Variants in DAB2IP observed in about 807,000 individuals in gnomAD.
The protein encoded by DAB2IP is disabled homolog 2-interacting protein.
DAB2IP carries 28 observed loss-of-function variants against 107.2 expected under a neutral mutation model. The observed-to-expected ratio is 0.26, with a 90% CI of 0.19 to 0.36. DAB2IP has a LOEUF of 0.36. Ranked by LOEUF, DAB2IP falls within the 10% of genes least tolerant of loss-of-function variation. DAB2IP has a pLI of 1.00. For synonymous variants in DAB2IP, 755 were observed against 706.4 expected (o/e 1.07, Z -1.09); for missense variants, 1,400 against 1,644.7 (o/e 0.85, Z 2.57).
At chr9:121,783,133 A>AC (rs796490919) in exon 16 of DAB2IP, 11 of 354,114 alleles carry the variant, frequency 3.1e-5, no homozygotes, top group African/African-American at 3.1e-4. Flanking sequence ...CTACCCACCC[A>AC]CCCCCTCTGA....
intron 3 of DAB2IP, among the ~76,000 whole-genome samples, chr9:121,703,132 A>T (rs937391254): frequency 6.6e-6 from 1 of 152,190 alleles, no homozygotes; most frequent in Non-Finnish European, 1.5e-5. Context: ...AAGGAGATAC[A>T]GTACTTGGAT....
intron 1 of DAB2IP, chr9:121,576,055 C>G (rs988381621): frequency 6.6e-6 from 1 of 152,554 alleles, no homozygotes; most frequent in African/African-American, 2.4e-5. Flanking sequence ...CTCCAGCCCC[C>G]ACTTCAGGCC....
At chr9:121,768,397 G>A (rs970320542) in intron 9 of DAB2IP, 35 bp from the exon 10 acceptor site, 1 of 1,612,438 alleles carries the variant, frequency 6.2e-7, no homozygotes, top group Admixed American at 1.7e-5. Flanking sequence ...GCCTGCCTGG[G>A]CCCAGTAGTG....
In DAB2IP at chr9:121,760,276, C is replaced by T; in HGVS notation, c.1007C>T (p.Thr336Ile). 1 of 1,613,928 alleles carries T rather than the reference C, an allele frequency of 6.2e-7. No individual in the cohort carries two copies. The highest frequency in any genetic ancestry group is 8.5e-7 in the Non-Finnish European group (1 of 1,180,032). ...ATCCGCATCAAGGCGCGCTACCAAA[C>T]CATCACCATCCTGCCCATGGAGATG... is the stretch of plus-strand genomic sequence containing the variant. Residue 336 changes from threonine to isoleucine, a missense_variant, in exon 6 of 16, where the codon ACC becomes ATC. Thr to Ile is a moderately conservative substitution (Grantham distance 89). Coordinates refer to ENST00000408936, the Ensembl canonical transcript of DAB2IP. The surrounding 1 kb of genome is among the most constrained non-coding windows in gnomAD (Gnocchi z 5.9).
At chr9:121,785,217 G>A (rs57455029) in exon 16 of DAB2IP, 18,536 of 152,668 alleles carry the variant, frequency 0.12, 2,300 homozygotes, top group African/African-American at 0.32. Context: ...ATCTGCCCCA[G>A]GTACACCTCC....
At chr9:121,679,146 A>G (rs1260492946) in intron 2 of DAB2IP, among the ~76,000 whole-genome samples, 1 of 152,020 alleles carries the variant, frequency 6.6e-6, no homozygotes, top group Non-Finnish European at 1.5e-5. Context: ...GAAAAGATGC[A>G]CTATTTTTGT....
chr9:121,709,566 TGG>T (rs2118772299), intron 3 of DAB2IP, among the ~76,000 whole-genome samples: 1 of 152,322 alleles, frequency 6.6e-6, no homozygotes, highest in South Asian at 2.1e-4. Context: ...AGCTCATAAG[TGG>T]CAGAGCTGGG....
chr9:121,586,958 G>C (rs12003584), intron 1 of DAB2IP, among the ~76,000 whole-genome samples: 6,098 of 152,286 alleles, frequency 0.04, 412 homozygotes, highest in African/African-American at 0.14. Context: ...GAGTCAATTT[G>C]ATTCAGCAAA....
chr9:121,705,099 G>C (rs1829991037), intron 3 of DAB2IP, among the ~76,000 whole-genome samples: 1 of 152,222 alleles, frequency 6.6e-6, no homozygotes, highest in African/African-American at 2.4e-5. Context: ...CTCTCCTTTA[G>C]ATCTGGAGCT....
Position 121,746,465 on chromosome 9 carries a change from G to A in DAB2IP, c.363-10548G>A, listed in dbSNP as rs1029810086. ...TTCAACCAGCATAGTGCCAGGAGCT[G>A]GGGCTCTGCGGACAAATGGCTGGTC... is the stretch of plus-strand genomic sequence containing the variant. On this transcript the variant is annotated intron_variant, in intron 3 of 15. Transcript: ENST00000408936. Among the ~76,000 whole-genome samples the A allele has an allele frequency of 1.1e-4, 16 of 152,312 alleles. 1 individual carries two copies. The highest frequency in any genetic ancestry group is 8.5e-4 in the Admixed American group (13 of 15,310).
chr9:121,737,512 G>T (rs1044126780), intron 3 of DAB2IP: 2 of 985,324 alleles, frequency 2.0e-6, no homozygotes, highest in Non-Finnish European at 2.4e-6. Flanking sequence ...CAGAAGAGCT[G>T]CCTGGGTGAG....
At chr9:121,780,407 G>A (rs910014836) in intron 14 of DAB2IP, among the ~76,000 whole-genome samples, 7 of 152,068 alleles carry the variant, frequency 4.6e-5, no homozygotes, top group Non-Finnish European at 1.0e-4. Flanking sequence ...TTACAGTCCC[G>A]TGCAGAACCG....
chr9:121,691,507 G>A (rs561885127), intron 2 of DAB2IP, among the ~76,000 whole-genome samples: 7 of 147,200 alleles, frequency 4.8e-5, no homozygotes, highest in Non-Finnish European at 3.0e-5. Flanking sequence ...AGGACAGTGA[G>A]AGACTCCATG....
At chr9:121,773,241 G>T in exon 12 of DAB2IP, 3 of 1,551,902 alleles carry the variant, frequency 1.9e-6, no homozygotes, top group Non-Finnish European at 2.6e-6. Flanking sequence ...GCAGCCCACG[G>T]TGCCACGGCA....
At chr9:121,762,513 C>T (rs1005548395) in intron 6 of DAB2IP, among the ~76,000 whole-genome samples, 1 of 152,202 alleles carries the variant, frequency 6.6e-6, no homozygotes, top group African/African-American at 2.4e-5. Flanking sequence ...CCTGCTGTCC[C>T]TCTGTGCCTC....
In DAB2IP at chr9:121,701,948, G is replaced by T. The variant is rs1589544558; in HGVS notation, c.362+2490G>T. ...CCACTGGCTGCCATGCCTCTGGCTG[G>T]GGAGAGGGTAAGTGCCAAGACGCTA... On this transcript the variant is annotated intron_variant, in intron 3 of 15. Coordinates refer to ENST00000408936, the Ensembl canonical transcript of DAB2IP. The surrounding 1 kb of genome is among the most constrained non-coding windows in gnomAD (Gnocchi z 4.7). 2.0e-5 allele frequency among the ~76,000 whole-genome samples: 3 copies of T among 152,264 alleles called. No individual in the cohort carries two copies. The highest frequency in any genetic ancestry group is 7.2e-5 in the African/African-American group (3 of 41,556).
chr9:121,678,547 TC>T, intron 1 of DAB2IP, 130 bp from the exon 2 acceptor site: 1 of 654,672 alleles, frequency 1.5e-6, no homozygotes. Context: ...GCCAGACTTT[TC>T]CATAGTGCCT....
At chr9:121,779,085 T>C (rs1410132666) in intron 14 of DAB2IP, among the ~76,000 whole-genome samples, 1 of 152,214 alleles carries the variant, frequency 6.6e-6, no homozygotes, top group African/African-American at 2.4e-5. Context: ...TCATTTTTTT[T>C]CTGTTTCTTC....
intron 3 of DAB2IP, among the ~76,000 whole-genome samples, chr9:121,728,945 G>A (rs1006640782): frequency 3.9e-5 from 6 of 152,166 alleles, no homozygotes; most frequent in Non-Finnish European, 7.3e-5. Flanking sequence ...ATCTGTTAAC[G>A]ACAAGTTTGC....
Sources: gnomAD v4.1 joint callset for allele counts (sites outside exome capture counted in the v4.1 genomes callset) on GRCh38, gnomAD v4.1.1 for gene constraint, Gnocchi (gnomAD v3.1) non-coding constraint, MANE v1.5 for transcripts, NCBI Gene and HGNC (gene_info 2026-07-23, HGNC 2026-07-21) for gene names.